Variants in ESR1 observed in about 807,000 individuals in gnomAD.
The protein encoded by ESR1 is estrogen receptor 1.
A neutral mutation model predicts 52.7 loss-of-function variants in ESR1; 12 were observed. The ratio of observed to expected loss-of-function variants is 0.23; its 90% confidence interval spans 0.15 to 0.37. The LOEUF (loss-of-function observed/expected upper bound fraction) is 0.37, where lower values mean the gene tolerates loss of function less well. Among genes scored for constraint, ESR1 ranks in the 10% least tolerant of loss-of-function variants. ESR1 has a pLI of 1.00. For synonymous variants in ESR1, 305 were observed against 316.8 expected, an observed-to-expected ratio of 0.96 and a Z score of 0.39; for missense variants, 584 against 779.7, an observed-to-expected ratio of 0.75 and a Z score of 2.99.
At chr6:151,957,833 A>T (rs118167488) in intron 4 of ESR1, among the ~76,000 whole-genome samples, 2 of 152,150 alleles carry the variant, frequency 1.3e-5, no homozygotes, top group South Asian at 2.1e-4. Flanking sequence ...GACAAAGTTT[A>T]TTTTTTTCTC....
At position 151,899,730 on chromosome 6, in the gene ESR1, C is replaced by T. The variant is rs376061456; in HGVS notation, c.760+18959C>T. Among the ~76,000 whole-genome samples the T allele has an allele frequency of 8.0e-3, 1,169 of 145,634 alleles. 20 individuals carry two copies. The highest frequency in any genetic ancestry group is 0.026 in the African/African-American group (1,019 of 39,056). ...TCCTCACTTCTCAGACGGGGCGGCCCGGCAGAGACGCTCCTCACATCCCAG... is the reference window on the plus strand; with the variant it reads ...TCCTCACTTCTCAGACGGGGCGGCCTGGCAGAGACGCTCCTCACATCCCAG... On this transcript the variant is annotated intron_variant, in intron 3 of 7. Coordinates refer to ENST00000206249, the MANE Select transcript of ESR1 (RefSeq NM_000125.4).
At chr6:151,762,408 T>G (rs886161568) in intron 2 of ESR1, among the ~76,000 whole-genome samples, 7 of 152,190 alleles carry the variant, frequency 4.6e-5, no homozygotes, top group Non-Finnish European at 8.8e-5. Context: ...GTGTGCTGTT[T>G]GATTATTGGA....
At chr6:152,031,006 A>C (rs960668247) in intron 5 of ESR1, among the ~76,000 whole-genome samples, 1 of 152,192 alleles carries the variant, frequency 6.6e-6, no homozygotes, top group Admixed American at 6.5e-5. Flanking sequence ...GCTCAACTAC[A>C]TGGAAACTGA....
intron 2 of ESR1, among the ~76,000 whole-genome samples, chr6:151,763,670 G>A (rs1468817975): frequency 6.6e-6 from 1 of 152,202 alleles, no homozygotes; most frequent in Non-Finnish European, 1.5e-5. Context: ...TGGTCGTTAT[G>A]TCAGAAGAGG....
At chr6:151,981,147 T>C (rs1299132755) in intron 4 of ESR1, among the ~76,000 whole-genome samples, 1 of 152,264 alleles carries the variant, frequency 6.6e-6, no homozygotes, top group Non-Finnish European at 1.5e-5. Context: ...AGTTTCTATT[T>C]GTATCTGTGG....
At chr6:152,122,725 G>C in intron 6 of ESR1, 1 of 1,610,984 alleles carries the variant, frequency 6.2e-7, no homozygotes, top group Middle Eastern at 1.7e-4. Flanking sequence ...AGTGTCGGAG[G>C]GACGCTGCTT....
intron 7 of ESR1, among the ~76,000 whole-genome samples, chr6:152,095,034 C>G (rs1225266648): frequency 6.6e-6 from 1 of 152,082 alleles, no homozygotes; most frequent in Non-Finnish European, 1.5e-5. Flanking sequence ...CTTCTTGTCA[C>G]CCCCATTGCC....
At chr6:152,032,962 A>G (rs909851761) in intron 5 of ESR1, among the ~76,000 whole-genome samples, 2 of 152,212 alleles carry the variant, frequency 1.3e-5, no homozygotes, top group African/African-American at 4.8e-5. Flanking sequence ...AATGGAACAG[A>G]ACAGAGCCCT....
At chr6:151,725,440 G>C (rs1781769719) in intron 2 of ESR1, among the ~76,000 whole-genome samples, 1 of 152,106 alleles carries the variant, frequency 6.6e-6, no homozygotes, top group Admixed American at 6.6e-5. Context: ...GAAATCTTGA[G>C]TCTATGTTCT....
intron 1 of ESR1, among the ~76,000 whole-genome samples, chr6:151,833,160 G>C (rs754929493): frequency 1.5e-4 from 23 of 152,138 alleles, no homozygotes; most frequent in Non-Finnish European, 2.9e-4. Flanking sequence ...CTTGGTCAGG[G>C]CAGGGTGACA....
intron 4 of ESR1, among the ~76,000 whole-genome samples, chr6:151,956,408 G>A (rs935063111): frequency 6.6e-6 from 1 of 152,130 alleles, no homozygotes; most frequent in African/African-American, 2.4e-5. Context: ...ATTACTCTCT[G>A]CCCATTTCAC....
chr6:151,998,530 G>A (rs1033834372), intron 4 of ESR1, among the ~76,000 whole-genome samples: 3 of 152,052 alleles, frequency 2.0e-5, no homozygotes, highest in Middle Eastern at 3.2e-3. Flanking sequence ...GATGACTCAG[G>A]AAGTCATGCA....
At chr6:151,996,051 A>C (rs1446032387) in intron 4 of ESR1, among the ~76,000 whole-genome samples, 2 of 152,144 alleles carry the variant, frequency 1.3e-5, no homozygotes, top group African/African-American at 2.4e-5. Context: ...ATCACACTGA[A>C]TATCATCTCC....
At chr6:151,991,595 A>T (rs1423990229) in intron 4 of ESR1, among the ~76,000 whole-genome samples, 2 of 152,076 alleles carry the variant, frequency 1.3e-5, no homozygotes, top group Non-Finnish European at 2.9e-5. Context: ...AGGAAGAGAA[A>T]ATTTCACAGA....
intron 1 of ESR1, among the ~76,000 whole-genome samples, chr6:151,821,455 T>C (rs530712355): frequency 2.6e-5 from 4 of 152,354 alleles, no homozygotes; most frequent in African/African-American, 9.6e-5. Context: ...TCCATTTAGA[T>C]TATTTACTCT....
At chr6:151,688,744 T>G (rs1035789251), upstream of ESR1, among the ~76,000 whole-genome samples, 3 of 152,198 alleles carry the variant, frequency 2.0e-5, no homozygotes, top group Non-Finnish European at 4.4e-5. Flanking sequence ...TTACATTGTT[T>G]TAGGTATTAT....
intron 2 of ESR1, among the ~76,000 whole-genome samples, chr6:151,843,425 A>G (rs1301741512): frequency 1.3e-5 from 2 of 152,108 alleles, no homozygotes; most frequent in South Asian, 2.1e-4. Flanking sequence ...TTTCTTGTCT[A>G]TAGTTTGCCA....
rs146774945 is a variant in ESR1, at chr6:151,807,993, C to T, written c.81C>T (p.Asn27=). 2.5e-6 allele frequency: 4 copies of T among 1,613,860 alleles called. No individual in the cohort carries two copies. The African/African-American group carries it at 5.3e-5, about 22-fold the overall frequency. ...QIQGNELEPL[N]RPQLKIPLER... Reference sequence around the variant, plus strand: ...AAGGGAACGAGCTGGAGCCCCTGAACCGTCCGCAGCTCAAGATCCCCCTGG... The same window carrying T: ...AAGGGAACGAGCTGGAGCCCCTGAATCGTCCGCAGCTCAAGATCCCCCTGG... Residue 27 remains asparagine, a synonymous_variant, in exon 1 of 8, where the codon AAC becomes AAT. Transcript: ENST00000206249.
intron 3 of ESR1, among the ~76,000 whole-genome samples, chr6:151,923,169 C>T (rs6557172): frequency 1.4e-4 from 22 of 152,214 alleles, no homozygotes; most frequent in African/African-American, 4.6e-4. Flanking sequence ...ACTCATTTTC[C>T]GAGTCACTTA....
Sources: gnomAD v4.1 joint callset for allele counts (sites outside exome capture counted in the v4.1 genomes callset) on GRCh38, gnomAD v4.1.1 for gene constraint, MANE v1.5 for transcripts, NCBI Gene and HGNC (gene_info 2026-07-23, HGNC 2026-07-21) for gene names.